Variants in DLG2 observed in about 807,000 individuals in gnomAD.
DLG2 encodes disks large homolog 2.
DLG2 carries 45 observed loss-of-function variants against 132.5 expected under a neutral mutation model. The observed-to-expected ratio is 0.34, with a 90% CI of 0.27 to 0.44. The LOEUF is 0.44. Ranked by LOEUF, DLG2 falls within the 20% of genes least tolerant of loss-of-function variation. DLG2 has a pLI of 1.00. For synonymous variants in DLG2, 424 were observed against 419.6 expected (o/e 1.01, Z -0.13); for missense variants, 1,045 against 1,196.9 (o/e 0.87, Z 1.87).
intron 3 of DLG2, among the ~76,000 whole-genome samples, chr11:85,397,762 A>G (rs534469299): frequency 6.6e-6 from 1 of 152,328 alleles, no homozygotes; most frequent in East Asian, 1.9e-4. Flanking sequence ...ATACAGGAGC[A>G]CCCAGATTCA....
In DLG2 at chr11:84,238,520, A is replaced by G. The variant is rs2097187603; in HGVS notation, c.573+12718T>C. Among the ~76,000 whole-genome samples the G allele has an allele frequency of 2.6e-5, 4 of 152,028 alleles. No homozygotes were observed. In the South Asian group the frequency reaches 8.3e-4, roughly 32 times the overall value. ...AGGCAACAGAGTGAGACCCTGTCTC[A>G]AAAAAGAAAAAGAAAAAAAAAAAAG... is the stretch of plus-strand genomic sequence containing the variant. On this transcript the variant is annotated intron_variant, in intron 8 of 27. Coordinates refer to ENST00000376104, the MANE Select transcript of DLG2 (RefSeq NM_001142699.3).
chr11:83,495,807 A>G (rs2094119700), intron 21 of DLG2, among the ~76,000 whole-genome samples: 2 of 152,216 alleles, frequency 1.3e-5, no homozygotes, highest in African/African-American at 2.4e-5. Flanking sequence ...CTTTGACTCA[A>G]TTCATACCAA....
At chr11:84,856,949 T>C (rs576161928) in intron 6 of DLG2, among the ~76,000 whole-genome samples, 1 of 151,968 alleles carries the variant, frequency 6.6e-6, no homozygotes, top group African/African-American at 2.4e-5. Context: ...ACCAAAAGTA[T>C]GTTTTGTCAC....
intron 6 of DLG2, among the ~76,000 whole-genome samples, chr11:84,813,110 G>T (rs2076743775): frequency 6.6e-6 from 1 of 152,002 alleles, no homozygotes; most frequent in South Asian, 2.1e-4. Context: ...ATATAGATGA[G>T]AAACAGGATT....
chr11:84,839,523 C>A (rs1373106842), intron 6 of DLG2, among the ~76,000 whole-genome samples: 1 of 152,108 alleles, frequency 6.6e-6, no homozygotes, highest in East Asian at 1.9e-4. Flanking sequence ...CAAAAAAGAG[C>A]CCGCATTGCC....
At chr11:83,644,824 A>G (rs558336682) in intron 18 of DLG2, among the ~76,000 whole-genome samples, 4 of 152,250 alleles carry the variant, frequency 2.6e-5, no homozygotes, top group African/African-American at 9.6e-5. Context: ...CCCTGGTTGT[A>G]CATGGATTTG....
chr11:83,479,472 A>G (rs1433164713), intron 22 of DLG2, among the ~76,000 whole-genome samples: 1 of 152,170 alleles, frequency 6.6e-6, no homozygotes, highest in African/African-American at 2.4e-5. Flanking sequence ...TCTGTGGGTC[A>G]CAGGTATTAG....
At chr11:84,991,492 G>A (rs114439189) in intron 6 of DLG2, among the ~76,000 whole-genome samples, 1,541 of 126,634 alleles carry the variant, frequency 0.012, 28 homozygotes, top group African/African-American at 0.044. Context: ...CTGGGCAACA[G>A]AGTGAGACAC....
At chr11:85,399,236 C>A (rs529778540) in intron 3 of DLG2, among the ~76,000 whole-genome samples, 1 of 152,214 alleles carries the variant, frequency 6.6e-6, no homozygotes, top group African/African-American at 2.4e-5. Context: ...ATATGAAGGA[C>A]CTCTTCAAGG....
chr11:84,954,197 C>T (rs1245007752), intron 6 of DLG2, among the ~76,000 whole-genome samples: 2 of 152,062 alleles, frequency 1.3e-5, no homozygotes, highest in Non-Finnish European at 2.9e-5. Flanking sequence ...TTAAGTCTCA[C>T]CTGGACCTCT....
intron 11 of DLG2, among the ~76,000 whole-genome samples, chr11:84,017,367 T>C (rs1212094693): frequency 6.6e-6 from 1 of 152,054 alleles, no homozygotes; most frequent in Non-Finnish European, 1.5e-5. Context: ...ATGTTATATA[T>C]AAATTAAATC....
At chr11:84,716,123 T>A (rs927752283) in intron 6 of DLG2, among the ~76,000 whole-genome samples, 2 of 152,118 alleles carry the variant, frequency 1.3e-5, no homozygotes, top group African/African-American at 4.8e-5. Flanking sequence ...TGAGATGATA[T>A]CTCACTGTGG....
At chr11:83,935,878 T>C (rs1168337977) in intron 14 of DLG2, among the ~76,000 whole-genome samples, 1 of 152,214 alleles carries the variant, frequency 6.6e-6, no homozygotes, top group Non-Finnish European at 1.5e-5. Flanking sequence ...TATGACCTTA[T>C]GCTATTTCTT....
chr11:83,836,891 G>T (rs188933441), intron 16 of DLG2, among the ~76,000 whole-genome samples: 152 of 152,298 alleles, frequency 1.0e-3, no homozygotes, highest in Non-Finnish European at 1.6e-3. Context: ...GGGCATGGCA[G>T]TTCAGCTCCC....
At chr11:83,556,523 C>T (rs2096523974) in intron 19 of DLG2, among the ~76,000 whole-genome samples, 1 of 152,030 alleles carries the variant, frequency 6.6e-6, no homozygotes. Context: ...CAGGCGTGCG[C>T]CAAACTGCCA....
chr11:84,591,725 GAT>G (rs760790059), intron 6 of DLG2, among the ~76,000 whole-genome samples: 98 of 152,172 alleles, frequency 6.4e-4, no homozygotes, highest in Non-Finnish European at 1.2e-3. Flanking sequence ...GGTACTGGGT[GAT>G]GATTCCCAAC....
chr11:83,891,880 G>C (rs1268317264), intron 15 of DLG2, among the ~76,000 whole-genome samples: 1 of 152,164 alleles, frequency 6.6e-6, no homozygotes, highest in East Asian at 1.9e-4. Context: ...TAGTCTGTTT[G>C]TATTAGCCTC....
chr11:84,263,730 A>G (rs925000733), intron 7 of DLG2, among the ~76,000 whole-genome samples: 16 of 152,178 alleles, frequency 1.1e-4, no homozygotes, highest in African/African-American at 2.9e-4. Flanking sequence ...GATTTGAAAC[A>G]TAACAGGTGA....
chr11:85,622,080 A>G (rs1565775760), intron 2 of DLG2, among the ~76,000 whole-genome samples: 1 of 152,224 alleles, frequency 6.6e-6, no homozygotes, highest in Non-Finnish European at 1.5e-5. Context: ...CAACGAAGCA[A>G]GATCTTCCAC....
Sources: allele counts gnomAD v4.1 joint callset (sites outside exome capture counted in the v4.1 genomes callset), GRCh38; gene constraint gnomAD v4.1.1; transcripts MANE v1.5; gene names NCBI Gene and HGNC (gene_info 2026-07-23, HGNC 2026-07-21).